Variants in MGAT5 observed in about 807,000 individuals in gnomAD.
The protein encoded by MGAT5 is alpha-1,6-mannosylglycoprotein 6-beta-N-acetylglucosaminyltransferase A.
A neutral mutation model predicts 94.3 loss-of-function variants in MGAT5; 30 were observed. The ratio of observed to expected loss-of-function variants is 0.32; its 90% CI spans 0.24 to 0.43. The LOEUF (loss-of-function observed/expected upper bound fraction) is 0.43. Among genes scored for constraint, MGAT5 ranks in the 20% least tolerant of loss-of-function variants. MGAT5 has a pLI of 1.00. For synonymous variants in MGAT5, 310 were observed against 322.9 expected (o/e 0.96, Z 0.43); for missense variants, 691 against 905.5 (o/e 0.76, Z 3.04).
chr2:134,231,276 T>C (rs757894121), intron 1 of MGAT5: 21 of 152,220 alleles, frequency 1.4e-4, no homozygotes, highest in African/African-American at 3.6e-4. Flanking sequence ...TTGGCACTTA[T>C]ATGGGAGAAA....
chr2:134,127,914 C>T (rs1685923243), intron 1 of MGAT5, among the ~76,000 whole-genome samples: 1 of 152,236 alleles, frequency 6.6e-6, no homozygotes, highest in South Asian at 2.1e-4. Context: ...GGTCATTATG[C>T]TCTTTCAGAG....
At chr2:134,425,058 A>G (rs1384704155) in intron 13 of MGAT5, among the ~76,000 whole-genome samples, 1 of 152,230 alleles carries the variant, frequency 6.6e-6, no homozygotes, top group Non-Finnish European at 1.5e-5. Context: ...CACTTAGTTA[A>G]TGCTTGTACT....
chr2:134,304,821 C>T (rs1185467429), intron 2 of MGAT5, among the ~76,000 whole-genome samples: 1 of 152,204 alleles, frequency 6.6e-6, no homozygotes, highest in African/African-American at 2.4e-5. Context: ...AGCAGTCTTC[C>T]TGCCTCAGCC....
intron 6 of MGAT5, 88 bp downstream of exon 6, chr2:134,338,508 A>G (rs903358010): frequency 1.9e-5 from 26 of 1,367,962 alleles, no homozygotes; most frequent in Non-Finnish European, 2.5e-5. Flanking sequence ...GAGAAATGTC[A>G]TATCTCAAAT....
intron 9 of MGAT5, among the ~76,000 whole-genome samples, chr2:134,350,916 C>T (rs1422533530): frequency 6.6e-6 from 1 of 152,094 alleles, no homozygotes; most frequent in Non-Finnish European, 1.5e-5. Context: ...GGAAACAAGA[C>T]CCAAAAGACC....
At chr2:134,215,066 A>G (rs942098768) in intron 1 of MGAT5, among the ~76,000 whole-genome samples, 10 of 152,164 alleles carry the variant, frequency 6.6e-5, no homozygotes, top group African/African-American at 2.4e-4. Context: ...GCTCAGTATT[A>G]TGTTTGTGAA....
At chr2:134,145,065 T>A (rs1423180507) in intron 1 of MGAT5, among the ~76,000 whole-genome samples, 1 of 152,236 alleles carries the variant, frequency 6.6e-6, no homozygotes, top group Non-Finnish European at 1.5e-5. Context: ...TTTTCTGGAA[T>A]CCATCCCAAC....
chr2:134,383,665 C>T (rs1484881550), intron 10 of MGAT5, among the ~76,000 whole-genome samples: 1 of 152,128 alleles, frequency 6.6e-6, no homozygotes, highest in African/African-American at 2.4e-5. Context: ...AAACTGCAGC[C>T]CACATACCTG....
In MGAT5 at chr2:134,131,891, C is replaced by T. The variant is rs538416556; in HGVS notation, c.-143+11600C>T. Among the ~76,000 whole-genome samples, 4 of 152,292 alleles carry T rather than the reference C, an allele frequency of 2.6e-5. No homozygotes were observed. In the South Asian group the frequency reaches 8.3e-4, roughly 32 times the overall value. The stretch of plus-strand genomic sequence containing the variant: ...CCCAGGCTAGCCCAGTGGAGGGGGC[C>T]AGGTTTGTGCTTGCCGATTTCATCA... On this transcript the variant is annotated intron_variant, in intron 1 of 16. Transcript: ENST00000409645.
chr2:134,297,503 C>A (rs960765943), intron 2 of MGAT5, among the ~76,000 whole-genome samples: 7 of 152,170 alleles, frequency 4.6e-5, no homozygotes, highest in Non-Finnish European at 5.9e-5. Context: ...AATATTAGAA[C>A]CCCAAATTTG....
At position 134,267,138 on chromosome 2, in the gene MGAT5, C is replaced by G. The variant is rs375543020; in HGVS notation, c.242-3248C>G. On this transcript the variant is annotated intron_variant, in intron 1 of 15. Transcript: ENST00000281923. Reference sequence around the variant, plus strand: ...ACATGGCAAAATCCCAGAGGTTATTCCCTAACAAGTAGATTCAGGGGGAGC... The same window carrying G: ...ACATGGCAAAATCCCAGAGGTTATTGCCTAACAAGTAGATTCAGGGGGAGC... Among the ~76,000 whole-genome samples the G allele has an allele frequency of 1.0e-3, 156 of 152,194 alleles. 1 individual carries two copies. The highest frequency in any genetic ancestry group is 3.4e-3 in the African/African-American group (142 of 41,532).
intron 9 of MGAT5, among the ~76,000 whole-genome samples, chr2:134,355,309 TTG>T (rs1395514197): frequency 6.6e-6 from 1 of 151,982 alleles, no homozygotes; most frequent in Non-Finnish European, 1.5e-5. Context: ...TACTAAAATT[TTG>T]TGTTTCCTTT....
At chr2:134,202,248 C>T (rs1679824813) in intron 1 of MGAT5, among the ~76,000 whole-genome samples, 1 of 152,206 alleles carries the variant, frequency 6.6e-6, no homozygotes, top group Non-Finnish European at 1.5e-5. Context: ...AATCCCCAAC[C>T]TGATAGTGTT....
chr2:134,448,814 G>C lies in MGAT5; in HGVS notation c.2193G>C (p.Lys731Asn), dbSNP rs1410207675. ...TCTGCCCCTGCCGGGACTTCATCAA[G>C]GGCCAGGTGGCTCTCTGCAAAGACT... is the stretch of plus-strand genomic sequence containing the variant. ...QRVCPCRDFIKGQVALCKDCL is the reference protein window; with the variant it reads ...QRVCPCRDFINGQVALCKDCL The change falls in exon 16 of 16, where the codon AAG becomes AAC. Residue 731 changes from lysine (K) to asparagine (N), a missense_variant. Lys to Asn is a moderately conservative substitution (Grantham distance 94, BLOSUM62 0). Coordinates refer to ENST00000281923, the MANE Select transcript of MGAT5 (RefSeq NM_002410.5). 6.2e-7 allele frequency: 1 copy of C among 1,613,732 alleles called. No homozygotes were observed. Among genetic ancestry groups the C allele is most frequent in the Non-Finnish European group, 8.5e-7 (1 of 1,180,014 alleles).
At chr2:134,200,410 C>T (rs1411591736) in intron 1 of MGAT5, among the ~76,000 whole-genome samples, 1 of 152,230 alleles carries the variant, frequency 6.6e-6, no homozygotes, top group Non-Finnish European at 1.5e-5. Flanking sequence ...GCTGCCTTCA[C>T]AGGAGCACAG....
intron 1 of MGAT5, among the ~76,000 whole-genome samples, chr2:134,141,430 G>A (rs1686651370): frequency 1.5e-5 from 2 of 136,314 alleles, no homozygotes; most frequent in South Asian, 2.5e-4. Context: ...AGGCTCTTGG[G>A]ACATTTTTGT....
chr2:134,318,471 C>T (rs2105902234), intron 3 of MGAT5, among the ~76,000 whole-genome samples, 179 bp from the exon 4 acceptor site: 1 of 152,240 alleles, frequency 6.6e-6, no homozygotes, highest in African/African-American at 2.4e-5. Flanking sequence ...GTTAATCGTC[C>T]AAGTAGGTGA....
intron 2 of MGAT5, among the ~76,000 whole-genome samples, chr2:134,306,442 C>CCCCAA (rs1686335182): frequency 6.6e-6 from 1 of 152,066 alleles, no homozygotes; most frequent in African/African-American, 2.4e-5. Flanking sequence ...ATACCTCATA[C>CCCCAA]CCCACCAAGC....
chr2:134,154,155 G>A (rs577067069), intron 1 of MGAT5, among the ~76,000 whole-genome samples: 1 of 152,258 alleles, frequency 6.6e-6, no homozygotes, highest in Non-Finnish European at 1.5e-5. Context: ...GGCCAATTAA[G>A]GCAGCAGGTA....
Sources: allele counts gnomAD v4.1 joint callset (sites outside exome capture counted in the v4.1 genomes callset), GRCh38; gene constraint gnomAD v4.1.1; transcripts MANE v1.5; gene names NCBI Gene and HGNC (gene_info 2026-07-23, HGNC 2026-07-21).